The following SCAI variants were observed in gnomAD, a reference collection of about 807,000 sequenced individuals.
The protein encoded by SCAI is protein SCAI.
A neutral mutation model predicts 92.2 loss-of-function variants in SCAI; 24 were observed. The ratio of observed to expected loss-of-function variants is 0.26; its 90% CI spans 0.19 to 0.37. The LOEUF (loss-of-function observed/expected upper bound fraction) is 0.37. Ranked by LOEUF, SCAI falls within the 10% of genes least tolerant of loss-of-function variation. The pLI is 1.00. For missense variants in SCAI, 450 were observed against 736.2 expected, an observed-to-expected ratio of 0.61 and a Z score of 4.50; for synonymous variants, 261 against 258.6, an observed-to-expected ratio of 1.01 and a Z score of -0.09.
intron 14 of SCAI, among the ~76,000 whole-genome samples, chr9:124,989,708 A>T (rs1421483860): frequency 6.7e-6 from 1 of 149,438 alleles, no homozygotes; most frequent in Non-Finnish European, 1.5e-5. Context: ...ACATGGAGAA[A>T]CCCCGTTTCT....
At chr9:125,070,753 A>T (rs760238554) in intron 2 of SCAI, among the ~76,000 whole-genome samples, 11 of 152,186 alleles carry the variant, frequency 7.2e-5, no homozygotes, top group Non-Finnish European at 1.6e-4. Context: ...TTACAAGGCC[A>T]GGCATGGTGG....
intron 9 of SCAI, among the ~76,000 whole-genome samples, chr9:125,007,199 A>G (rs964538321): frequency 2.0e-5 from 3 of 152,196 alleles, no homozygotes; most frequent in Admixed American, 2.0e-4. Flanking sequence ...TATAGTAATT[A>G]TAAATATTAA....
intron 14 of SCAI, among the ~76,000 whole-genome samples, chr9:124,986,182 T>C (rs1205657329): frequency 1.3e-5 from 2 of 151,708 alleles, no homozygotes; most frequent in African/African-American, 4.8e-5. Flanking sequence ...TCCCAGCTAC[T>C]TGGGAGGCTG....
chr9:124,993,143 A>T (rs1334494071), intron 14 of SCAI, among the ~76,000 whole-genome samples: 4 of 152,272 alleles, frequency 2.6e-5, no homozygotes, highest in African/African-American at 9.6e-5. Flanking sequence ...TGACAAAGAC[A>T]GAGTACTTCT....
intron 9 of SCAI, among the ~76,000 whole-genome samples, chr9:125,012,675 A>G (rs374871909): frequency 1.3e-5 from 2 of 152,156 alleles, no homozygotes; most frequent in Middle Eastern, 3.2e-3. Context: ...TGCACCAAGC[A>G]GACCTAATAG....
chr9:125,058,968 A>T (rs1446121982), intron 2 of SCAI, among the ~76,000 whole-genome samples: 1 of 152,222 alleles, frequency 6.6e-6, no homozygotes, highest in African/African-American at 2.4e-5. Flanking sequence ...TACTGAACAA[A>T]ATAAGAAATC....
chr9:124,959,345 G>A (rs1177861964), intron 17 of SCAI, among the ~76,000 whole-genome samples: 1 of 146,552 alleles, frequency 6.8e-6, no homozygotes, highest in Non-Finnish European at 1.5e-5. Context: ...ATATCCATCA[G>A]AATGGTCAGA....
chr9:125,125,268 C>T (rs1485031847), intron 2 of SCAI, among the ~76,000 whole-genome samples: 1 of 152,076 alleles, frequency 6.6e-6, no homozygotes, highest in Admixed American at 6.6e-5. Context: ...CGCGGTGTCT[C>T]ACGCCTGTAA....
chr9:124,958,240 G>A (rs1162215056), intron 17 of SCAI, among the ~76,000 whole-genome samples: 1 of 152,076 alleles, frequency 6.6e-6, no homozygotes, highest in Non-Finnish European at 1.5e-5. Context: ...AATTTATATA[G>A]ACGTACAAAG....
rs375440677 is a variant in SCAI at position 125,072,181 on chromosome 9, G to A, written c.99-16174C>T. ...TGGGACTACAGGCGGGCACCACCAC[G>A]CCCAGCTAATTTTTGTATTTATAGT... On this transcript the variant is annotated intron_variant, in intron 2 of 17. Coordinates refer to ENST00000336505, the MANE Select transcript of SCAI (RefSeq NM_001144877.3). 7.8e-4 allele frequency among the ~76,000 whole-genome samples: 118 copies of A among 152,124 alleles called. 2 individuals are homozygous for A. In the East Asian group the frequency reaches 0.021, roughly 27 times the overall value.
intron 17 of SCAI, among the ~76,000 whole-genome samples, chr9:124,967,674 C>T (rs1453761045): frequency 6.6e-6 from 1 of 152,110 alleles, no homozygotes; most frequent in African/African-American, 2.4e-5. Flanking sequence ...CACACACACA[C>T]ACACACGTGA....
intron 2 of SCAI, among the ~76,000 whole-genome samples, chr9:125,059,580 T>C (rs1028038123): frequency 1.3e-5 from 2 of 152,200 alleles, no homozygotes; most frequent in African/African-American, 4.8e-5. Flanking sequence ...CAGTTGAACA[T>C]GCACTGAAAC....
chr9:125,122,951 T>C (rs535076152), intron 2 of SCAI, among the ~76,000 whole-genome samples: 3 of 152,182 alleles, frequency 2.0e-5, no homozygotes, highest in Non-Finnish European at 4.4e-5. Flanking sequence ...GTTTTGGACA[T>C]ATAGATGCAT....
chr9:125,056,016 A>C lies in SCAI; in HGVS notation c.99-9T>G. 6.3e-7 allele frequency: 1 copy of C among 1,593,792 alleles called. No homozygotes were observed. The highest frequency in any genetic ancestry group is 8.5e-7 in the Non-Finnish European group (1 of 1,170,344). ...TAAGAGCAAATTCAGTCCTGTAAGA[A>C]AACATATGTTCATTCATGCAGGAGG... On this transcript the variant is annotated splice_polypyrimidine_tract_variant and intron_variant, in intron 2 of 17. Transcript: ENST00000336505.
chr9:125,094,352 C>G (rs139782376), intron 2 of SCAI, among the ~76,000 whole-genome samples: 2 of 152,336 alleles, frequency 1.3e-5, no homozygotes, highest in African/African-American at 4.8e-5. Context: ...CACATTCCTG[C>G]CACAGGGTTG....
intron 2 of SCAI, among the ~76,000 whole-genome samples, chr9:125,083,992 A>G (rs1834271075): frequency 6.6e-6 from 1 of 151,962 alleles, no homozygotes; most frequent in African/African-American, 2.4e-5. Flanking sequence ...GAAGGCTGGG[A>G]GATCCAGGTT....
At chr9:125,015,420 A>C (rs1832737182) in intron 9 of SCAI, among the ~76,000 whole-genome samples, 1 of 152,198 alleles carries the variant, frequency 6.6e-6, no homozygotes, top group Non-Finnish European at 1.5e-5. Flanking sequence ...CAGCCAAAAA[A>C]CACATGAAAA....
intron 17 of SCAI, among the ~76,000 whole-genome samples, chr9:124,963,712 T>C (rs1831486089): frequency 7.6e-6 from 1 of 131,070 alleles, no homozygotes; most frequent in Non-Finnish European, 1.5e-5. Flanking sequence ...ATCGCGCCAC[T>C]GTGCTCCAGC....
chr9:124,993,822 G>A (rs531225887), intron 14 of SCAI, among the ~76,000 whole-genome samples: 1 of 152,134 alleles, frequency 6.6e-6, no homozygotes, highest in South Asian at 2.1e-4. Context: ...AACCTATCAG[G>A]AGTTTGCTTC....
Sources: allele counts gnomAD v4.1 joint callset (sites outside exome capture counted in the v4.1 genomes callset), GRCh38; gene constraint gnomAD v4.1.1; transcripts MANE v1.5; gene names NCBI Gene and HGNC (gene_info 2026-07-23, HGNC 2026-07-21).